The following QRFPR variants were observed in gnomAD, a reference collection of about 807,000 sequenced individuals.
QRFPR encodes pyroglutamylated RFamide peptide receptor.
In QRFPR, 37 loss-of-function variants were observed where a neutral mutation model predicts 31.3. That is an observed-to-expected ratio of 1.18 (90% CI 0.91 to 1.56). QRFPR has a LOEUF of 1.56. QRFPR is among the 40% of genes most tolerant of loss of function. The pLI, the probability that QRFPR is intolerant of heterozygous loss-of-function variation, is 0.00. For missense variants in QRFPR, 542 were observed against 532.5 expected (o/e 1.02, Z -0.18); for synonymous variants, 197 against 192.0 (o/e 1.03, Z -0.22).
rs926125046 is a variant in QRFPR, at chr4:121,361,164, G to A, written c.340+19144C>T. 3.3e-4 allele frequency among the ~76,000 whole-genome samples: 44 copies of A among 133,904 alleles called. 5 individuals are homozygous for A. The highest frequency in any genetic ancestry group is 1.2e-3 in the African/African-American group (41 of 35,322). 87.8% of individuals were successfully genotyped at this position (133,904 alleles called of 152,430 possible). ...CTCAATTTCCCTAATTATAATTAGA[G>A]AAATTTGTAATTTCTGGAAACCAGG... On this transcript the variant is annotated intron_variant, in intron 1 of 5. Coordinates refer to ENST00000394427, the MANE Select transcript of QRFPR (RefSeq NM_198179.3).
chr4:121,339,946 C>T (rs1008372726), intron 2 of QRFPR, among the ~76,000 whole-genome samples: 1 of 151,560 alleles, frequency 6.6e-6, no homozygotes, highest in Non-Finnish European at 1.5e-5. Flanking sequence ...CAGAATGAGA[C>T]CCTATCTAAA....
chr4:121,336,659 C>G (rs567813726), intron 3 of QRFPR, 148 bp downstream of exon 3: 1 of 714,322 alleles, frequency 1.4e-6, no homozygotes, highest in Admixed American at 2.0e-5. Flanking sequence ...CTTAAAAAAT[C>G]ATTTTATTCC....
intron 3 of QRFPR, among the ~76,000 whole-genome samples, chr4:121,335,647 A>G (rs973440959): frequency 6.6e-6 from 1 of 152,042 alleles, no homozygotes; most frequent in Non-Finnish European, 1.5e-5. Flanking sequence ...GAAACAGAGA[A>G]GAAACTGACC....
chr4:121,357,336 C>T (rs1725889916), intron 1 of QRFPR, among the ~76,000 whole-genome samples: 1 of 151,730 alleles, frequency 6.6e-6, no homozygotes, highest in Non-Finnish European at 1.5e-5. Flanking sequence ...AGCATGAAAG[C>T]AAGAATAGTC....
In QRFPR at chr4:121,340,425, T is replaced by C. The variant is rs1354262340; in HGVS notation, c.499+27A>G. Reference sequence around the variant, plus strand: ...CTGTAATGAAGAATGTCATTCACACTGCCATTGGCACATCCAGTGGCCTCA... The same window carrying C: ...CTGTAATGAAGAATGTCATTCACACCGCCATTGGCACATCCAGTGGCCTCA... On this transcript the variant is annotated intron_variant, in intron 2 of 5. Transcript: ENST00000394427. 5 of 1,611,178 alleles carry C rather than the reference T, an allele frequency of 3.1e-6. No individual in the cohort carries two copies. The Admixed American group carries it at 5.0e-5, about 16-fold the overall frequency.
intron 1 of QRFPR, among the ~76,000 whole-genome samples, chr4:121,375,779 C>A (rs1425908033): frequency 6.6e-6 from 1 of 152,092 alleles, no homozygotes; most frequent in Non-Finnish European, 1.5e-5. Flanking sequence ...TGAGAACTCT[C>A]AAAAGGCAGA....
At position 121,346,846 on chromosome 4, in the gene QRFPR, G is replaced by T. The variant is rs1169645213; in HGVS notation, c.341-6236C>A. On this transcript the variant is annotated intron_variant, in intron 1 of 5. Coordinates refer to ENST00000394427, the MANE Select transcript of QRFPR (RefSeq NM_198179.3). ...GTAGATTACACTGATTTTGGAATTTGAGCCAGCCTTGCATACCTGGAATAA... is the reference window on the plus strand; with the variant it reads ...GTAGATTACACTGATTTTGGAATTTTAGCCAGCCTTGCATACCTGGAATAA... 2.0e-5 allele frequency among the ~76,000 whole-genome samples: 3 copies of T among 152,104 alleles called. No individual in the cohort carries two copies. The East Asian group carries it at 5.8e-4, about 29-fold the overall frequency.
rs886970922 is a variant in QRFPR at position 121,363,979 on chromosome 4, C to A, written c.340+16329G>T. 2.0e-5 allele frequency among the ~76,000 whole-genome samples: 3 copies of A among 149,786 alleles called. 1 individual carries two copies. Among genetic ancestry groups the A allele is most frequent in the African/African-American group, 7.4e-5 (3 of 40,416 alleles). The stretch of plus-strand genomic sequence containing the variant: ...CCTGCACTGGAGTGGAGAAAAGCAA[C>A]CAGACAGCGAGAAAGTCTAAATGAT... On this transcript the variant is annotated intron_variant, in intron 1 of 5. Transcript: ENST00000394427.
intron 2 of QRFPR, among the ~76,000 whole-genome samples, chr4:121,337,221 A>C (rs889307404): frequency 1.3e-5 from 2 of 152,146 alleles, no homozygotes; most frequent in African/African-American, 4.8e-5. Context: ...AGGAGCCTGC[A>C]GTGCTGGTTT....
intron 1 of QRFPR, among the ~76,000 whole-genome samples, chr4:121,351,926 A>T (rs1725768530): frequency 6.6e-6 from 1 of 152,060 alleles, no homozygotes. Context: ...ATTTCAAAAG[A>T]TATTTAACAA....
rs1726228111 is a variant in QRFPR, at chr4:121,370,827, A to G, written c.340+9481T>C. Among the ~76,000 whole-genome samples the G allele has an allele frequency of 2.0e-5, 3 of 152,244 alleles. No homozygotes were observed. In the South Asian group the frequency reaches 6.2e-4, roughly 31 times the overall value. On this transcript the variant is annotated intron_variant, in intron 1 of 5. Transcript: ENST00000394427. ...AGAAATCAAATGGGAAGTAAGAAGA[A>G]CTAGATATGCATTATATGCATTAAT...
chr4:121,358,150 T>G (rs1001966142), intron 1 of QRFPR, among the ~76,000 whole-genome samples: 1 of 152,204 alleles, frequency 6.6e-6, no homozygotes, highest in Non-Finnish European at 1.5e-5. Context: ...TAAAGTTGAT[T>G]GTGAGATGAC....
chr4:121,334,547 C>T (rs79265873), intron 3 of QRFPR: 4,887 of 238,936 alleles, frequency 0.02, 120 homozygotes, highest in East Asian at 0.11. Context: ...CCACATTGAT[C>T]AAGGCATCAT....
chr4:121,335,585 T>TGGGG (rs1491547199), intron 3 of QRFPR, among the ~76,000 whole-genome samples: 2 of 48,446 alleles, frequency 4.1e-5, no homozygotes, highest in Non-Finnish European at 8.7e-5. Context: ...GGGTGGGGGG[T>TGGGG]GGGGCGGGGA....
intron 1 of QRFPR, among the ~76,000 whole-genome samples, chr4:121,357,195 A>T (rs952294331): frequency 3.3e-5 from 5 of 152,014 alleles, no homozygotes; most frequent in Admixed American, 3.3e-4. Context: ...CTAGGGGAGA[A>T]TTCATTTCCT....
rs375245756 is a variant in QRFPR, at chr4:121,361,946, A to G, written c.340+18362T>C. ...ACAAAGAACCAGTACTATTTATTCTAAAATAAGATATCTTCCAGTTGCCAG... is the reference window on the plus strand; with the variant it reads ...ACAAAGAACCAGTACTATTTATTCTGAAATAAGATATCTTCCAGTTGCCAG... On this transcript the variant is annotated intron_variant, in intron 1 of 5. Coordinates refer to ENST00000394427, the MANE Select transcript of QRFPR (RefSeq NM_198179.3). Among the ~76,000 whole-genome samples the G allele has an allele frequency of 3.3e-5, 5 of 150,268 alleles. No homozygotes were observed. The East Asian group carries it at 9.9e-4, about 30-fold the overall frequency.
chr4:121,358,844 A>G (rs1725923836), intron 1 of QRFPR, among the ~76,000 whole-genome samples: 1 of 152,248 alleles, frequency 6.6e-6, no homozygotes, highest in Non-Finnish European at 1.5e-5. Context: ...TTTCTTGAGC[A>G]GTTACCATGT....
intron 1 of QRFPR, among the ~76,000 whole-genome samples, chr4:121,353,523 G>C (rs1725803414): frequency 6.6e-6 from 1 of 152,042 alleles, no homozygotes; most frequent in African/African-American, 2.4e-5. Flanking sequence ...CTTCTTTTGA[G>C]AAATATCTAT....
intron 1 of QRFPR, among the ~76,000 whole-genome samples, chr4:121,372,384 G>C (rs1034378122): frequency 9.9e-5 from 15 of 152,028 alleles, no homozygotes; most frequent in African/African-American, 3.6e-4. Context: ...GAGATAAAAA[G>C]TTTTATTTTT....
Sources: gnomAD v4.1 joint callset for allele counts (sites outside exome capture counted in the v4.1 genomes callset) on GRCh38, gnomAD v4.1.1 for gene constraint, MANE v1.5 for transcripts, NCBI Gene and HGNC (gene_info 2026-07-23, HGNC 2026-07-21) for gene names.